Variants in ARL13B observed in about 807,000 individuals in gnomAD.
ARL13B encodes ADP-ribosylation factor-like protein 13B.
A neutral mutation model predicts 56.1 loss-of-function variants in ARL13B; 36 were observed. The observed-to-expected ratio is 0.64, with a 90% CI of 0.49 to 0.85. ARL13B has a LOEUF of 0.85. Among genes scored for constraint, ARL13B ranks in the 40% least tolerant of loss-of-function variants. The pLI is 0.00. For missense variants in ARL13B, 519 were observed against 507.1 expected (o/e 1.02, Z -0.23); for synonymous variants, 178 against 171.1 (o/e 1.04, Z -0.32).
intron 3 of ARL13B, chr3:94,014,656 G>T (rs1206254801): frequency 6.2e-7 from 1 of 1,613,516 alleles, no homozygotes; most frequent in African/African-American, 1.3e-5. Flanking sequence ...TTGTGCTTTA[G>T]TGATATTGAT....
intron 5 of ARL13B, among the ~76,000 whole-genome samples, chr3:94,037,438 A>C (rs1305162902): frequency 1.3e-5 from 2 of 152,178 alleles, no homozygotes; most frequent in African/African-American, 2.4e-5. Context: ...ATCCTCTGAT[A>C]ACTGGTATTT....
Position 93,991,466 on chromosome 3 carries a change from A to G in ARL13B, c.60-4408A>G, listed in dbSNP as rs74469405. 1.4e-3 allele frequency among the ~76,000 whole-genome samples: 206 copies of G among 152,242 alleles called. No homozygotes were observed. The Middle Eastern group carries it at 0.02, about 15-fold the overall frequency. ...GCAGTCATGGCTCACTGCAGCTTCA[A>G]TGGGCTCAAGTGATCCTCCCACCTC... On this transcript the variant is annotated intron_variant, in intron 1 of 9. Coordinates refer to ENST00000394222, the MANE Select transcript of ARL13B (RefSeq NM_001174150.2).
At chr3:94,040,028 A>T (rs199886170) in intron 6 of ARL13B, 40 bp downstream of exon 6, 1 of 1,567,364 alleles carries the variant, frequency 6.4e-7, no homozygotes, top group Non-Finnish European at 8.8e-7. Context: ...ATCTTAAGTT[A>T]TAAGTTGGAA....
intron 3 of ARL13B, among the ~76,000 whole-genome samples, chr3:94,007,693 C>T (rs2076157619): frequency 1.3e-5 from 2 of 152,062 alleles, no homozygotes; most frequent in South Asian, 4.1e-4. Context: ...CCAGGTCCCT[C>T]CCACAACACA....
At chr3:94,021,218 G>T (rs1202977787) in intron 3 of ARL13B, among the ~76,000 whole-genome samples, 5 of 149,782 alleles carry the variant, frequency 3.3e-5, no homozygotes, top group African/African-American at 1.2e-4. Context: ...TTTTGAGACA[G>T]GGTCTCGCTC....
At chr3:94,002,310 T>C (rs1477234019) in intron 2 of ARL13B, among the ~76,000 whole-genome samples, 1 of 152,128 alleles carries the variant, frequency 6.6e-6, no homozygotes, top group Non-Finnish European at 1.5e-5. Context: ...CAGGTGATCC[T>C]TCCGCCTCAG....
chr3:93,992,897 G>A (rs1455526789), intron 1 of ARL13B, among the ~76,000 whole-genome samples: 2 of 151,510 alleles, frequency 1.3e-5, no homozygotes, highest in Non-Finnish European at 2.9e-5. Flanking sequence ...AGGTTCAATC[G>A]ATTCTCGCAG....
chr3:94,040,070 A>G, intron 6 of ARL13B, 82 bp downstream of exon 6: 1 of 1,190,758 alleles, frequency 8.4e-7, no homozygotes, highest in Non-Finnish European at 1.2e-6. Context: ...TTGGGAAAGG[A>G]GGCAGGGAAA....
chr3:94,032,579 C>T (rs2076694932), intron 3 of ARL13B, among the ~76,000 whole-genome samples: 1 of 152,070 alleles, frequency 6.6e-6, no homozygotes, highest in Non-Finnish European at 1.5e-5. Flanking sequence ...TCACTGCAAG[C>T]TCTGCCTCCC....
At chr3:93,989,585 G>A (rs960169199) in intron 1 of ARL13B, among the ~76,000 whole-genome samples, 3 of 150,898 alleles carry the variant, frequency 2.0e-5, no homozygotes, top group Admixed American at 2.0e-4. Flanking sequence ...ACAGCCTCAT[G>A]CTGTCAACCC....
At chr3:94,035,290 TTA>T in intron 3 of ARL13B, 39 bp from the exon 4 acceptor site, 1 of 1,257,992 alleles carries the variant, frequency 7.9e-7, no homozygotes, top group Non-Finnish European at 1.1e-6. Flanking sequence ...TTCCATCCAA[TTA>T]TATATATGCT....
At chr3:94,003,960 AAAG>A in intron 3 of ARL13B, 52 bp downstream of exon 3, 1 of 1,609,528 alleles carries the variant, frequency 6.2e-7, no homozygotes, top group Non-Finnish European at 8.5e-7. Context: ...ATTGGCCACT[AAAG>A]AAATTTACCT....
At chr3:93,997,661 T>C (rs2075989751) in intron 2 of ARL13B, among the ~76,000 whole-genome samples, 1 of 152,176 alleles carries the variant, frequency 6.6e-6, no homozygotes, top group Non-Finnish European at 1.5e-5. Context: ...ACAAAATTTT[T>C]ATACTGTAGT....
At chr3:94,011,616 T>C (rs977041075) in intron 3 of ARL13B, among the ~76,000 whole-genome samples, 1 of 152,144 alleles carries the variant, frequency 6.6e-6, no homozygotes, top group Non-Finnish European at 1.5e-5. Flanking sequence ...TCTACCCAAG[T>C]CCAGCTTCTG....
chr3:94,046,574 T>C (rs1370830929), intron 7 of ARL13B, among the ~76,000 whole-genome samples: 1 of 152,170 alleles, frequency 6.6e-6, no homozygotes, highest in Non-Finnish European at 1.5e-5. Flanking sequence ...GCTTATCTAG[T>C]CACTTGTTGG....
intron 5 of ARL13B, among the ~76,000 whole-genome samples, chr3:94,038,426 T>A (rs1221221049): frequency 6.6e-6 from 1 of 151,772 alleles, no homozygotes; most frequent in Non-Finnish European, 1.5e-5. Flanking sequence ...GTAATGAACA[T>A]TTACATTGCT....
At chr3:94,037,620 A>G (rs1242879642) in intron 5 of ARL13B, among the ~76,000 whole-genome samples, 1 of 152,112 alleles carries the variant, frequency 6.6e-6, no homozygotes, top group Non-Finnish European at 1.5e-5. Flanking sequence ...TCCTGTGAGA[A>G]TATTTGTTTT....
In ARL13B at chr3:94,053,137, C is replaced by A. The variant is rs748442803; in HGVS notation, c.1211-50C>A. On this transcript the variant is annotated intron_variant, in intron 9 of 9. Coordinates refer to ENST00000394222, the MANE Select transcript of ARL13B (RefSeq NM_001174150.2). Reference sequence around the variant, plus strand: ...AAAAATAATGAACTGTGTCAAAAATCTTGATGTACCATAACTGTTTTGTGC... The same window carrying A: ...AAAAATAATGAACTGTGTCAAAAATATTGATGTACCATAACTGTTTTGTGC... 2.1e-6 allele frequency: 3 copies of A among 1,448,664 alleles called. No homozygotes were observed. The South Asian group carries it at 3.4e-5, about 17-fold the overall frequency. 89.7% of individuals were successfully genotyped at this position (1,448,664 alleles called of 1,614,324 possible). A position where few individuals can be genotyped will look rare whatever the true frequency, so the allele number is the denominator to read the frequency against.
chr3:94,004,443 G>C (rs1400794054), intron 3 of ARL13B, among the ~76,000 whole-genome samples: 1 of 152,106 alleles, frequency 6.6e-6, no homozygotes, highest in African/African-American at 2.4e-5. Context: ...TAAAAACGAA[G>C]TGACAAAGGA....
Sources: gnomAD v4.1 joint callset for allele counts (sites outside exome capture counted in the v4.1 genomes callset) on GRCh38, gnomAD v4.1.1 for gene constraint, MANE v1.5 for transcripts, NCBI Gene and HGNC (gene_info 2026-07-23, HGNC 2026-07-21) for gene names.